SDK1: variants seen among roughly 807,000 people sequenced by gnomAD.
SDK1 encodes the protein protein sidekick-1.
In SDK1, 157 loss-of-function variants were observed where a neutral mutation model predicts 245.5. The ratio of observed to expected loss-of-function variants is 0.64; its 90% CI spans 0.56 to 0.73. SDK1 has a LOEUF of 0.73. Ranked by LOEUF, SDK1 falls within the 30% of genes least tolerant of loss-of-function variation. The pLI, the probability that SDK1 is intolerant of heterozygous loss-of-function variation, is 0.00. For missense variants in SDK1, 3,583 were observed against 3,002.3 expected (o/e 1.19, Z -4.52); for synonymous variants, 1,647 against 1,278.5 (o/e 1.29, Z -6.15).
At chr7:3,626,556 T>C (rs1782126973) in intron 2 of SDK1, among the ~76,000 whole-genome samples, 1 of 152,250 alleles carries the variant, frequency 6.6e-6, no homozygotes, top group African/African-American at 2.4e-5. Flanking sequence ...ATCTCACCTT[T>C]TAGTTGCCTT....
At position 3,599,205 on chromosome 7, in the gene SDK1, C is replaced by T. The variant is rs117907459; in HGVS notation, c.299-19875C>T. Among the ~76,000 whole-genome samples, 15 of 148,378 alleles carry T rather than the reference C, an allele frequency of 1.0e-4. No individual in the cohort carries two copies. The East Asian group carries it at 2.8e-3, about 28-fold the overall frequency. On this transcript the variant is annotated intron_variant, in intron 1 of 44. Coordinates refer to ENST00000404826, the MANE Select transcript of SDK1 (RefSeq NM_152744.4). ...TGATATCTCATGGTGGTTTAATTTG[C>T]GATTCTCTAATCGTTAATGATATTG... is the stretch of plus-strand genomic sequence containing the variant.
chr7:3,307,163 G>C (rs1004373046), intron 1 of SDK1, among the ~76,000 whole-genome samples: 5 of 152,022 alleles, frequency 3.3e-5, no homozygotes, highest in Non-Finnish European at 7.4e-5. Flanking sequence ...AATTTGCATA[G>C]TTTCTAAAAT....
chr7:3,603,660 T>G (rs1250643109), intron 1 of SDK1, among the ~76,000 whole-genome samples: 1 of 152,220 alleles, frequency 6.6e-6, no homozygotes, highest in African/African-American at 2.4e-5. Context: ...TTTTCATAAT[T>G]GAATACCCTT....
intron 25 of SDK1, among the ~76,000 whole-genome samples, chr7:4,123,311 A>G (rs1328193422): frequency 1.3e-5 from 2 of 152,002 alleles, no homozygotes; most frequent in Admixed American, 1.3e-4. Flanking sequence ...ATATATTCGG[A>G]TACGTTGTAG....
At chr7:4,075,814 A>G (rs1161611563) in intron 20 of SDK1, among the ~76,000 whole-genome samples, 3 of 151,946 alleles carry the variant, frequency 2.0e-5, no homozygotes, top group Non-Finnish European at 2.9e-5. Flanking sequence ...ACCACCATGC[A>G]TGGCTAATTT....
chr7:3,633,893 C>G (rs973305441), intron 2 of SDK1, among the ~76,000 whole-genome samples: 1 of 152,018 alleles, frequency 6.6e-6, no homozygotes, highest in Non-Finnish European at 1.5e-5. Flanking sequence ...CTGCTGCTGG[C>G]CCCACCAAAT....
At chr7:3,431,787 G>A (rs567468342) in intron 1 of SDK1, among the ~76,000 whole-genome samples, 1 of 152,170 alleles carries the variant, frequency 6.6e-6, no homozygotes, top group South Asian at 2.1e-4. Context: ...TATGTAAAAT[G>A]GGATCTACCT....
intron 5 of SDK1, among the ~76,000 whole-genome samples, chr7:3,837,871 G>A (rs1780061179): frequency 6.6e-6 from 1 of 152,200 alleles, no homozygotes; most frequent in African/African-American, 2.4e-5. Flanking sequence ...GCATACAAAA[G>A]GGATTCCTAG....
chr7:4,128,184 G>A (rs563694556), intron 26 of SDK1, among the ~76,000 whole-genome samples: 5 of 152,276 alleles, frequency 3.3e-5, no homozygotes, highest in South Asian at 4.1e-4. Context: ...TTTCGGACCC[G>A]GCCAGCGAGG....
Position 3,613,035 on chromosome 7 carries a change from A to G in SDK1, c.299-6045A>G, listed in dbSNP as rs867088711. ...TTATCAAATAGGTGATGATTATCCTAGTGGAAGCTCTCTTGGGCAGAGTCA... is the reference window on the plus strand; with the variant it reads ...TTATCAAATAGGTGATGATTATCCTGGTGGAAGCTCTCTTGGGCAGAGTCA... On this transcript the variant is annotated intron_variant, in intron 1 of 44. Transcript: ENST00000404826. 2.0e-5 allele frequency among the ~76,000 whole-genome samples: 3 copies of G among 152,298 alleles called. No individual in the cohort carries two copies. In the Middle Eastern group the frequency reaches 0.01, roughly 518 times the overall value.
intron 2 of SDK1, among the ~76,000 whole-genome samples, chr7:3,622,608 G>T (rs777465126): frequency 6.6e-6 from 1 of 152,220 alleles, no homozygotes; most frequent in Non-Finnish European, 1.5e-5. Context: ...ACTGCAGGAA[G>T]AGGTGGAACA....
At chr7:4,076,525 C>T (rs1264694761) in intron 20 of SDK1, among the ~76,000 whole-genome samples, 1 of 152,186 alleles carries the variant, frequency 6.6e-6, no homozygotes, top group African/African-American at 2.4e-5. Context: ...CATTGCACTT[C>T]AGCCTGGGCA....
chr7:3,358,575 G>A (rs868287733), intron 1 of SDK1, among the ~76,000 whole-genome samples: 3 of 152,222 alleles, frequency 2.0e-5, no homozygotes, highest in South Asian at 2.1e-4. Flanking sequence ...GTTAAGGTAG[G>A]ACTCAAAAAA....
intron 1 of SDK1, among the ~76,000 whole-genome samples, chr7:3,454,158 T>A (rs1242393339): frequency 6.6e-6 from 1 of 152,174 alleles, no homozygotes; most frequent in East Asian, 1.9e-4. Context: ...GTTGCCTGCT[T>A]ACTCATTCTA....
At chr7:3,454,388 TTGTGTGTGTGTGTG>T (rs60437983) in intron 1 of SDK1, among the ~76,000 whole-genome samples, 4 of 141,686 alleles carry the variant, frequency 2.8e-5, no homozygotes, top group South Asian at 2.4e-4. Context: ...TCCCCAAGAT[TTGTGTGTGTGTGTG>T]TGTGTGTGTG....
rs1400547092 is a variant in SDK1 at position 3,301,563 on chromosome 7, C to T, written c.-24C>T. ...CTGCCCGCCCGTCCGTCCGGCGCGG[C>T]GCTCGGGGTGGCGGCTGCTCGGCAT... On this transcript the variant is annotated 5_prime_UTR_variant, in exon 1 of 45. Coordinates refer to ENST00000404826, the MANE Select transcript of SDK1 (RefSeq NM_152744.4). 2.7e-5 allele frequency: 24 copies of T among 881,160 alleles called. No homozygotes were observed. Among genetic ancestry groups the T allele is most frequent in the Middle Eastern group, 1.2e-3 (2 of 1,688 alleles). The allele number at this position is 881,160 out of a possible 1,614,324, so 54.6% of individuals were successfully genotyped here.
intron 14 of SDK1, 90 bp downstream of exon 14, chr7:3,987,412 C>T (rs944086330): frequency 2.3e-6 from 3 of 1,312,212 alleles, no homozygotes; most frequent in Non-Finnish European, 3.2e-6. Context: ...CTGGGTCAGA[C>T]CCAAAACAAC....
At chr7:4,087,055 A>G (rs752656706) in intron 22 of SDK1, among the ~76,000 whole-genome samples, 39 of 151,370 alleles carry the variant, frequency 2.6e-4, no homozygotes, top group Non-Finnish European at 2.2e-4. Context: ...ATTGAAGTCT[A>G]ATTTATGACT....
chr7:3,617,563 T>C (rs1178581083), intron 1 of SDK1, among the ~76,000 whole-genome samples: 1 of 152,176 alleles, frequency 6.6e-6, no homozygotes, highest in Non-Finnish European at 1.5e-5. Flanking sequence ...GATGGAAGTA[T>C]ATTTGACTCT....
Sources: gnomAD v4.1 joint callset for allele counts (sites outside exome capture counted in the v4.1 genomes callset) on GRCh38, gnomAD v4.1.1 for gene constraint, MANE v1.5 for transcripts, NCBI Gene and HGNC (gene_info 2026-07-23, HGNC 2026-07-21) for gene names.